The following CNTNAP2 variants were observed in gnomAD, a reference collection of about 807,000 sequenced individuals.
CNTNAP2 encodes contactin-associated protein-like 2.
A neutral mutation model predicts 155.2 loss-of-function variants in CNTNAP2; 98 were observed. That is an observed-to-expected ratio of 0.63 (90% CI 0.54 to 0.75). The LOEUF (loss-of-function observed/expected upper bound fraction) is 0.75. Among genes scored for constraint, CNTNAP2 ranks in the 30% least tolerant of loss-of-function variants. CNTNAP2 has a pLI of 0.00. For synonymous variants in CNTNAP2, 651 were observed against 631.2 expected (o/e 1.03, Z -0.47); for missense variants, 1,727 against 1,688.1 (o/e 1.02, Z -0.40).
In CNTNAP2 at chr7:146,726,338, A is replaced by G. The variant is rs577753516; in HGVS notation, c.98-47933A>G. On this transcript the variant is annotated intron_variant, in intron 1 of 23. Transcript: ENST00000361727. The stretch of plus-strand genomic sequence containing the variant: ...CAAATTTCACAGTCTAGAATTCCCA[A>G]TGCTTTGAGAAGTAAATAATGGGGG... 1.5e-3 allele frequency among the ~76,000 whole-genome samples: 223 copies of G among 152,322 alleles called. 1 individual carries two copies. Among genetic ancestry groups the G allele is most frequent in the African/African-American group, 5.1e-3 (211 of 41,578 alleles).
At chr7:146,594,244 C>A (rs6957488) in intron 1 of CNTNAP2, among the ~76,000 whole-genome samples, 53,973 of 151,918 alleles carry the variant, frequency 0.36, 11,481 homozygotes, top group South Asian at 0.51. Context: ...GTTTCTATTG[C>A]CTTAACTACC....
chr7:146,904,500 C>A lies in CNTNAP2; in HGVS notation c.402+64596C>A, dbSNP rs1235163041. ...TTTGTTTGTTTGTTTGAGACAGAGT[C>A]TTGCTCTGTCACCCAGGCTGGAGCA... On this transcript the variant is annotated intron_variant, in intron 3 of 23. Coordinates refer to ENST00000361727, the MANE Select transcript of CNTNAP2 (RefSeq NM_014141.6). Among the ~76,000 whole-genome samples, 3 of 152,272 alleles carry A rather than the reference C, an allele frequency of 2.0e-5. No individual in the cohort carries two copies. The East Asian group carries it at 5.8e-4, about 30-fold the overall frequency.
intron 13 of CNTNAP2, among the ~76,000 whole-genome samples, chr7:147,750,285 G>C (rs987036345): frequency 6.6e-6 from 1 of 152,268 alleles, no homozygotes; most frequent in East Asian, 1.9e-4. Context: ...ATGTGAACAA[G>C]CTATCAAATA....
intron 15 of CNTNAP2, among the ~76,000 whole-genome samples, chr7:148,052,807 G>A (rs1802919347): frequency 6.6e-6 from 1 of 152,242 alleles, no homozygotes; most frequent in African/African-American, 2.4e-5. Context: ...AGCACTTTGA[G>A]AGGCCAAGGT....
chr7:146,316,939 G>GATTC (rs56776866), intron 1 of CNTNAP2, among the ~76,000 whole-genome samples: 2 of 151,534 alleles, frequency 1.3e-5, no homozygotes, highest in Admixed American at 1.3e-4. Context: ...GTTCAATGGG[G>GATTC]ATTCATTCAT....
At chr7:147,339,768 C>G (rs1322728087) in intron 9 of CNTNAP2, among the ~76,000 whole-genome samples, 1 of 151,972 alleles carries the variant, frequency 6.6e-6, no homozygotes, top group Non-Finnish European at 1.5e-5. Flanking sequence ...TAAAATCAAA[C>G]AGTAGGTCCA....
At chr7:147,422,891 C>T (rs180955066) in intron 10 of CNTNAP2, among the ~76,000 whole-genome samples, 4 of 152,112 alleles carry the variant, frequency 2.6e-5, no homozygotes, top group African/African-American at 9.6e-5. Context: ...TTTCCAATTG[C>T]AAATATCTAA....
chr7:146,866,029 C>T (rs1795198459), intron 3 of CNTNAP2, among the ~76,000 whole-genome samples: 1 of 152,016 alleles, frequency 6.6e-6, no homozygotes, highest in Non-Finnish European at 1.5e-5. Context: ...GAAGATCCAC[C>T]CATTTCTGTT....
chr7:146,279,890 A>C (rs927408288), intron 1 of CNTNAP2, among the ~76,000 whole-genome samples: 1 of 151,790 alleles, frequency 6.6e-6, no homozygotes, highest in Admixed American at 6.6e-5. Context: ...AACTTAAAAA[A>C]ATATATAATG....
At chr7:147,899,892 CAAA>C (rs11366376) in intron 13 of CNTNAP2, among the ~76,000 whole-genome samples, 1 of 141,942 alleles carries the variant, frequency 7.0e-6, no homozygotes, top group African/African-American at 2.6e-5. Context: ...GACTCCATCT[CAAA>C]AAAAAAAAAA....
At chr7:146,989,951 A>T (rs1422292610) in intron 3 of CNTNAP2, among the ~76,000 whole-genome samples, 1 of 152,132 alleles carries the variant, frequency 6.6e-6, no homozygotes, top group African/African-American at 2.4e-5. Context: ...ACCTAAAATA[A>T]AAGATCTACT....
chr7:147,772,762 A>C (rs1797495305), intron 13 of CNTNAP2, among the ~76,000 whole-genome samples: 1 of 151,996 alleles, frequency 6.6e-6, no homozygotes. Flanking sequence ...TTCTAGCCTC[A>C]GACTACTTCA....
intron 15 of CNTNAP2, among the ~76,000 whole-genome samples, chr7:148,108,012 C>T (rs78880350): frequency 3.3e-5 from 5 of 152,306 alleles, no homozygotes; most frequent in Admixed American, 6.5e-5. Context: ...AGTGCCTTCA[C>T]GCAGTCTTCT....
chr7:147,169,680 G>A (rs920118127), intron 8 of CNTNAP2, among the ~76,000 whole-genome samples: 4 of 152,078 alleles, frequency 2.6e-5, no homozygotes, highest in South Asian at 4.1e-4. Flanking sequence ...GGGAAATCTA[G>A]AGGAATGGAT....
chr7:148,109,433 G>A (rs1214541757), intron 15 of CNTNAP2, among the ~76,000 whole-genome samples: 2 of 152,090 alleles, frequency 1.3e-5, no homozygotes, highest in East Asian at 3.9e-4. Flanking sequence ...TGCCCAGGCT[G>A]GAGTACAATG....
intron 1 of CNTNAP2, among the ~76,000 whole-genome samples, chr7:146,343,036 T>A (rs534242875): frequency 1.3e-3 from 197 of 152,270 alleles, no homozygotes; most frequent in African/African-American, 4.6e-3. Flanking sequence ...TGCCTTTCCA[T>A]TTTTTCTGTT....
At position 147,892,159 on chromosome 7, in the gene CNTNAP2, T is replaced by A. The variant is rs1171506733; in HGVS notation, c.2099-11406T>A. Among the ~76,000 whole-genome samples the A allele has an allele frequency of 2.0e-5, 3 of 152,208 alleles. No individual in the cohort carries two copies. In the East Asian group the frequency reaches 5.8e-4, roughly 29 times the overall value. ...CTTAAACATAAAGATGAACTATTCT[T>A]AACAGGTGATAGCAGCATCTCAACT... On this transcript the variant is annotated intron_variant, in intron 13 of 23. Coordinates refer to ENST00000361727, the MANE Select transcript of CNTNAP2 (RefSeq NM_014141.6).
intron 1 of CNTNAP2, among the ~76,000 whole-genome samples, chr7:146,700,060 C>T (rs891308976): frequency 6.6e-6 from 1 of 152,144 alleles, no homozygotes. Flanking sequence ...ATTTTTCTCC[C>T]ACCTTTAACT....
At chr7:146,559,724 T>A in intron 1 of CNTNAP2, among the ~76,000 whole-genome samples, 1 of 152,216 alleles carries the variant, frequency 6.6e-6, no homozygotes, top group Non-Finnish European at 1.5e-5. Context: ...CAATCATATT[T>A]TGGATAGATT....
Sources: gnomAD v4.1 joint callset for allele counts (sites outside exome capture counted in the v4.1 genomes callset) on GRCh38, gnomAD v4.1.1 for gene constraint, MANE v1.5 for transcripts, NCBI Gene and HGNC (gene_info 2026-07-23, HGNC 2026-07-21) for gene names.